The following OAS1 variants were observed in gnomAD, a reference collection of about 807,000 sequenced individuals.
OAS1 encodes the protein 2'-5'-oligoadenylate synthase 1.
In OAS1, 24 loss-of-function variants were observed where a neutral mutation model predicts 38.5. That is an observed-to-expected ratio of 0.62 (90% CI 0.45 to 0.88). The LOEUF is 0.88. Ranked by LOEUF, OAS1 falls within the 40% of genes least tolerant of loss-of-function variation. The pLI, the probability that OAS1 is intolerant of heterozygous loss-of-function variation, is 0.00. For missense variants in OAS1, 482 were observed against 493.9 expected, an observed-to-expected ratio of 0.98 and a Z score of 0.23; for synonymous variants, 169 against 193.9, an observed-to-expected ratio of 0.87 and a Z score of 1.07.
At chr12:112,917,286 A>G (rs1465057457) in intron 4 of OAS1, among the ~76,000 whole-genome samples, 1 of 152,120 alleles carries the variant, frequency 6.6e-6, no homozygotes, top group Non-Finnish European at 1.5e-5. Context: ...AGTTCAAGTG[A>G]CCTACCCAAG....
chr12:112,919,428 A>G lies in OAS1; in HGVS notation c.1078A>G (p.Arg360Gly). The part of the protein sequence containing the change: ...NSADDETDDP[R>G]RYQKYGYIGT... ...TGCAGACGATGAGACCGACGATCCC[A>G]GGAGGTATCAGAAATATGGTTACAT... The change falls in exon 6 of 6, where the codon AGG (arginine) becomes GGG (glycine). Residue 360 changes from arginine (R) to glycine (G), a missense_variant. Arg to Gly is a moderately radical substitution (Grantham distance 125). Coordinates refer to ENST00000202917, the MANE Select transcript of OAS1 (RefSeq NM_016816.4). The G allele has an allele frequency of 6.2e-7, 1 of 1,614,150 alleles. No homozygotes were observed. Among genetic ancestry groups the G allele is most frequent in the Non-Finnish European group, 8.5e-7 (1 of 1,179,984 alleles).
chr12:112,918,696 C>A (rs764248255), intron 5 of OAS1: 1 of 454,856 alleles, frequency 2.2e-6, no homozygotes, highest in Admixed American at 2.4e-5. Flanking sequence ...AAAGCCAGTG[C>A]TCATGTCACT....
At position 112,919,567 on chromosome 12, in the gene OAS1, T is replaced by C. The variant is rs1370945512; in HGVS notation, c.*14T>C. The C allele has an allele frequency of 4.3e-6, 7 of 1,614,184 alleles. No individual in the cohort carries two copies. In the South Asian group the frequency reaches 5.5e-5, roughly 13 times the overall value. The stretch of plus-strand genomic sequence containing the variant: ...ACCATCCTCTGAATGCCAGTGCATC[T>C]TGGGGGAAAGGGCTCCAGTGTTATC... On this transcript the variant is annotated 3_prime_UTR_variant, in exon 6 of 6. Coordinates refer to ENST00000202917, the MANE Select transcript of OAS1 (RefSeq NM_016816.4).
At chr12:112,922,181 TG>T, downstream of OAS1, among the ~76,000 whole-genome samples, 1 of 152,292 alleles carries the variant, frequency 6.6e-6, no homozygotes, top group East Asian at 1.9e-4. Context: ...ATAGGTCCTT[TG>T]GGGGAAACCA....
chr12:112,913,067 G>A (rs191718058), intron 3 of OAS1, among the ~76,000 whole-genome samples: 2 of 152,212 alleles, frequency 1.3e-5, no homozygotes, highest in Admixed American at 6.5e-5. Flanking sequence ...TTTTGATGAT[G>A]GTCTATTGGT....
chr12:112,916,421 T>A, intron 3 of OAS1, 88 bp from the exon 4 acceptor site: 1 of 912,892 alleles, frequency 1.1e-6, no homozygotes, highest in Non-Finnish European at 1.7e-6. Flanking sequence ...TAAAAACAGG[T>A]GGCAGGCTGG....
At chr12:112,926,249 C>T (rs2043557269) in intron 6 of OAS1, among the ~76,000 whole-genome samples, 1 of 152,172 alleles carries the variant, frequency 6.6e-6, no homozygotes, top group South Asian at 2.1e-4. Flanking sequence ...CACCTCCCAG[C>T]ATGCTGCAAT....
chr12:112,919,316 C>T, intron 5 of OAS1, 73 bp from the exon 6 acceptor site: 1 of 1,364,606 alleles, frequency 7.3e-7, no homozygotes, highest in South Asian at 1.3e-5. Context: ...ACAGTGTCTA[C>T]CGTAAATGCT....
In OAS1 at chr12:112,919,605, T is replaced by C; in HGVS notation, c.*52T>C. ...CTCCAGTGTTATCTGGACCAGTTCCTTCATTTTCAGGTGGGACTCTTGATC... is the reference window on the plus strand; with the variant it reads ...CTCCAGTGTTATCTGGACCAGTTCCCTCATTTTCAGGTGGGACTCTTGATC... On this transcript the variant is annotated 3_prime_UTR_variant, in exon 6 of 6. Transcript: ENST00000202917. 1 of 1,613,952 alleles carries C rather than the reference T, an allele frequency of 6.2e-7. No homozygotes were observed. The highest frequency in any genetic ancestry group is 8.5e-7 in the Non-Finnish European group (1 of 1,179,948).
In OAS1 at chr12:112,908,972, G is replaced by T. The variant is rs138408097; in HGVS notation, c.469+148G>T. 1.7e-4 allele frequency: 130 copies of T among 779,292 alleles called. No homozygotes were observed. In the African/African-American group the frequency reaches 1.9e-3, roughly 11 times the overall value. The allele number at this position is 779,292 out of a possible 1,614,324, so 48.3% of individuals were successfully genotyped here. ...TCTGTCCCGGGGCAAGAATGAATAC[G>T]GTCATGATCTATCACAGGAGAGACA... On this transcript the variant is annotated intron_variant, in intron 2 of 5. Coordinates refer to ENST00000202917, the MANE Select transcript of OAS1 (RefSeq NM_016816.4).
At chr12:112,929,343 A>C (rs148981734) in intron 6 of OAS1, among the ~76,000 whole-genome samples, 11 of 152,322 alleles carry the variant, frequency 7.2e-5, no homozygotes, top group Middle Eastern at 3.4e-3. Context: ...CATCTCCCAA[A>C]GGGAAGCAAC....
At chr12:112,923,867 A>G (rs1449609987), downstream of OAS1, among the ~76,000 whole-genome samples, 1 of 150,166 alleles carries the variant, frequency 6.7e-6, no homozygotes, top group African/African-American at 2.5e-5. Flanking sequence ...CACATGCAAA[A>G]GAATAAAATT....
rs1050994 is a variant in OAS1 at position 112,907,130 on chromosome 12, A to G, written c.91A>G (p.Asn31Asp). 1 of 1,614,230 alleles carries G rather than the reference A, an allele frequency of 6.2e-7. No individual in the cohort carries two copies. The change falls in exon 1 of 6, where the codon AAC becomes GAC. Residue 31 changes from asparagine (N) to aspartate (D), a missense_variant. Asn to Asp is a conservative substitution (Grantham distance 23). Coordinates refer to ENST00000202917, the MANE Select transcript of OAS1 (RefSeq NM_016816.4). The stretch of plus-strand genomic sequence containing the variant: ...AGACACGTGTTTCCGCATGCAAATC[A>G]ACCATGCCATTGACATCATCTGTGG... ...LPDTCFRMQI[N>D]HAIDIICGFL...
At chr12:112,920,214 T>A (rs1334532174), downstream of OAS1, among the ~76,000 whole-genome samples, 2 of 152,236 alleles carry the variant, frequency 1.3e-5, no homozygotes, top group Non-Finnish European at 2.9e-5. Context: ...AATTCTGAAA[T>A]AAGCATCCTT....
At chr12:112,908,335 C>T (rs781504359) in intron 1 of OAS1, among the ~76,000 whole-genome samples, 1 of 152,154 alleles carries the variant, frequency 6.6e-6, no homozygotes, top group Non-Finnish European at 1.5e-5. Context: ...ACTGAGCATC[C>T]ATTTTCCCAT....
chr12:112,932,099 C>T, exon 7 of OAS1: 1 of 579,432 alleles, frequency 1.7e-6, no homozygotes, highest in East Asian at 3.0e-5. Flanking sequence ...ATTTCCAGCT[C>T]TGCTTTCAAT....
At chr12:112,910,659 GGAGGT>G (rs762603570) in intron 2 of OAS1, among the ~76,000 whole-genome samples, 2 of 152,178 alleles carry the variant, frequency 1.3e-5, no homozygotes, top group Non-Finnish European at 2.9e-5. Flanking sequence ...AAGCAAGACA[GGAGGT>G]GAGGTGGGAG....
chr12:112,933,219 A>G (rs1189782437), downstream of OAS1: 2 of 152,224 alleles, frequency 1.3e-5, no homozygotes, highest in East Asian at 1.9e-4. Context: ...TTTGAAAATC[A>G]TAAGTGTCAT....
intron 2 of OAS1, among the ~76,000 whole-genome samples, chr12:112,909,436 G>T (rs1010380828): frequency 3.3e-5 from 5 of 151,990 alleles, no homozygotes; most frequent in Non-Finnish European, 7.4e-5. Context: ...AGGCAGGAGG[G>T]TCGCTTGAGC....
Sources: gnomAD v4.1 joint callset for allele counts (sites outside exome capture counted in the v4.1 genomes callset) on GRCh38, gnomAD v4.1.1 for gene constraint, MANE v1.5 for transcripts, NCBI Gene and HGNC (gene_info 2026-07-23, HGNC 2026-07-21) for gene names.